The following CDK17 variants were observed in gnomAD, a reference collection of about 807,000 sequenced individuals.
CDK17 encodes cyclin-dependent kinase 17.
In CDK17, 24 loss-of-function variants were observed where a neutral mutation model predicts 77.6. The observed-to-expected ratio is 0.31, with a 90% CI of 0.22 to 0.44. The LOEUF (loss-of-function observed/expected upper bound fraction) is 0.44. CDK17 is among the 20% of genes least tolerant of loss of function. The probability of loss-of-function intolerance (pLI) is 1.00; values close to 1 mark genes in which losing one functional copy is unlikely to be tolerated. For synonymous variants in CDK17, 203 were observed against 210.4 expected (o/e 0.96, Z 0.30); for missense variants, 429 against 622.5 (o/e 0.69, Z 3.31).
At chr12:96,350,757 CTG>C (rs1344652449) in intron 1 of CDK17, among the ~76,000 whole-genome samples, 1 of 152,100 alleles carries the variant, frequency 6.6e-6, no homozygotes, top group Non-Finnish European at 1.5e-5. Flanking sequence ...AGAGTTAAAA[CTG>C]TAAAACTCTT....
At chr12:96,382,874 A>C (rs1953907704) in intron 1 of CDK17, among the ~76,000 whole-genome samples, 1 of 152,048 alleles carries the variant, frequency 6.6e-6, no homozygotes, top group Non-Finnish European at 1.5e-5. Flanking sequence ...AAAGATGCCC[A>C]CTCTCACCAC....
At chr12:96,351,816 C>A (rs1953316838) in intron 1 of CDK17, among the ~76,000 whole-genome samples, 1 of 152,036 alleles carries the variant, frequency 6.6e-6, no homozygotes, top group Admixed American at 6.6e-5. Flanking sequence ...TTCAATATGA[C>A]CTATACCAAT....
chr12:96,322,278 A>C (rs1375091995), intron 3 of CDK17, among the ~76,000 whole-genome samples: 3 of 152,198 alleles, frequency 2.0e-5, no homozygotes, highest in Admixed American at 2.0e-4. Flanking sequence ...CTCCTCCAGC[A>C]CAATACCCTT....
chr12:96,362,668 T>A (rs1565836289), intron 1 of CDK17, among the ~76,000 whole-genome samples: 1 of 152,234 alleles, frequency 6.6e-6, no homozygotes, highest in Admixed American at 6.5e-5. Context: ...TAAATACTTT[T>A]AAGCAACCTT....
At position 96,358,978 on chromosome 12, in the gene CDK17, C is replaced by CTT. The variant is rs143122058; in HGVS notation, c.-29-24115_-29-24114dup. Reference sequence around the variant, plus strand: ...TTTCCAAAACTGACTGGTCAGATGGCTTTTTTTTTTTTTTCCTGAAACAAA... The same window carrying CTT: ...TTTCCAAAACTGACTGGTCAGATGGCTTTTTTTTTTTTTTTTCCTGAAACAAA... On this transcript the variant is annotated intron_variant, in intron 1 of 16. Transcript: ENST00000261211. Among the ~76,000 whole-genome samples the CTT allele has an allele frequency of 1.1e-3, 159 of 141,966 alleles. 3 individuals are homozygous for CTT. Among genetic ancestry groups the CTT allele is most frequent in the Admixed American group, 0.011 (156 of 14,244 alleles). 93.1% of individuals were successfully genotyped at this position (141,966 alleles called of 152,430 possible). A position where few individuals can be genotyped will look rare whatever the true frequency, so the allele number is the denominator to read the frequency against.
chr12:96,313,049 G>A (rs1309489342), intron 4 of CDK17, among the ~76,000 whole-genome samples: 1 of 151,964 alleles, frequency 6.6e-6, no homozygotes, highest in Non-Finnish European at 1.5e-5. Flanking sequence ...CTCCTTAATG[G>A]ATAACCTAAA....
chr12:96,295,423 TA>T (rs35300996), intron 9 of CDK17: 70 of 158,396 alleles, frequency 4.4e-4, no homozygotes, highest in Non-Finnish European at 5.6e-4. Flanking sequence ...GAAAATGACT[TA>T]AAAAAAAAAA....
intron 1 of CDK17, among the ~76,000 whole-genome samples, chr12:96,380,540 C>T (rs1466335102): frequency 6.6e-6 from 1 of 152,142 alleles, no homozygotes. Flanking sequence ...CCACCCGCCT[C>T]AGCCTCCTAA....
chr12:96,391,645 G>T (rs1240671256), intron 1 of CDK17, among the ~76,000 whole-genome samples: 1 of 152,108 alleles, frequency 6.6e-6, no homozygotes, highest in Non-Finnish European at 1.5e-5. Flanking sequence ...AATATTTTTA[G>T]ACCTTCAGAA....
chr12:96,348,537 A>AAAC (rs1555204417), intron 1 of CDK17, among the ~76,000 whole-genome samples: 38 of 151,236 alleles, frequency 2.5e-4, no homozygotes, highest in Middle Eastern at 3.4e-3. Context: ...AAAAAAAAAA[A>AAAC]AAAAACAAAA....
intron 10 of CDK17, among the ~76,000 whole-genome samples, chr12:96,294,363 G>C (rs1405343194): frequency 6.6e-6 from 1 of 151,660 alleles, no homozygotes; most frequent in African/African-American, 2.4e-5. Context: ...AGGCCGAGGC[G>C]AGTGGACCAC....
At chr12:96,283,472 A>T (rs2137062599) in intron 14 of CDK17, 131 bp downstream of exon 14, 1 of 685,522 alleles carries the variant, frequency 1.5e-6, no homozygotes, top group Admixed American at 2.6e-5. Context: ...TTTAACTTAA[A>T]CATGTGCCTT....
At chr12:96,339,129 A>T (rs1329750286) in intron 1 of CDK17, among the ~76,000 whole-genome samples, 2 of 152,208 alleles carry the variant, frequency 1.3e-5, no homozygotes, top group African/African-American at 4.8e-5. Flanking sequence ...TGGATGACAA[A>T]TAAGGACAAA....
intron 1 of CDK17, among the ~76,000 whole-genome samples, chr12:96,377,440 AC>A (rs1319091587): frequency 6.6e-6 from 1 of 152,222 alleles, no homozygotes; most frequent in Non-Finnish European, 1.5e-5. Flanking sequence ...AAAATAAAGG[AC>A]ATGAGAATTC....
At chr12:96,323,048 C>T (rs928966680) in intron 3 of CDK17, among the ~76,000 whole-genome samples, 9 of 152,000 alleles carry the variant, frequency 5.9e-5, no homozygotes, top group South Asian at 2.1e-4. Context: ...GCACATAAAA[C>T]GAGCAGTAGA....
intron 5 of CDK17, among the ~76,000 whole-genome samples, chr12:96,300,745 A>G (rs1356650513): frequency 6.6e-6 from 1 of 152,220 alleles, no homozygotes; most frequent in African/African-American, 2.4e-5. Context: ...AACTTCTGAA[A>G]CTTTCCCACT....
intron 7 of CDK17, among the ~76,000 whole-genome samples, chr12:96,297,931 TAA>T (rs79321799): frequency 1.7e-4 from 22 of 130,718 alleles, no homozygotes; most frequent in Non-Finnish European, 1.7e-4. Context: ...CAATGCTATT[TAA>T]AAAAAAAAAA....
chr12:96,400,114 C>A lies in CDK17; in HGVS notation c.-158G>T. 2.5e-6 allele frequency: 1 copy of A among 392,848 alleles called. No homozygotes were observed. The highest frequency in any genetic ancestry group is 2.1e-5 in the African/African-American group (1 of 48,442). The allele number at this position is 392,848 out of a possible 1,614,324, so 24.3% of individuals were successfully genotyped here. ...GCGGCCGGCAGACGTGAGGCGCTTC[C>A]GAGCGCAGGCCTCCGCCGCCACAGC... On this transcript the variant is annotated 5_prime_UTR_variant, in exon 1 of 17. Coordinates refer to ENST00000261211, the MANE Select transcript of CDK17 (RefSeq NM_002595.5).
At position 96,312,418 on chromosome 12, in the gene CDK17, A is replaced by T. The variant is rs538651708; in HGVS notation, c.417+903T>A. 3.9e-5 allele frequency among the ~76,000 whole-genome samples: 6 copies of T among 152,328 alleles called. No homozygotes were observed. In the South Asian group the frequency reaches 1.0e-3, roughly 26 times the overall value. On this transcript the variant is annotated intron_variant, in intron 4 of 16. Coordinates refer to ENST00000261211, the MANE Select transcript of CDK17 (RefSeq NM_002595.5). ...AATACTAAATAAAACAAATGATTTTAAAAAATCATCTATAAGGTGAAGAAA... is the reference window on the plus strand; with the variant it reads ...AATACTAAATAAAACAAATGATTTTTAAAAATCATCTATAAGGTGAAGAAA...
Sources: gnomAD v4.1 joint callset for allele counts (sites outside exome capture counted in the v4.1 genomes callset) on GRCh38, gnomAD v4.1.1 for gene constraint, MANE v1.5 for transcripts, NCBI Gene and HGNC (gene_info 2026-07-23, HGNC 2026-07-21) for gene names.